Variants in BAZ2B observed in about 807,000 individuals in gnomAD.
The protein encoded by BAZ2B is bromodomain adjacent to zinc finger domain protein 2B.
In BAZ2B, 91 loss-of-function variants were observed where a neutral mutation model predicts 246.0. The observed-to-expected ratio is 0.37, with a 90% CI of 0.31 to 0.44. The LOEUF (loss-of-function observed/expected upper bound fraction) is 0.44, where lower values mean the gene tolerates loss of function less well. Ranked by LOEUF, BAZ2B falls within the 20% of genes least tolerant of loss-of-function variation. BAZ2B has a pLI of 1.00. For synonymous variants in BAZ2B, 855 were observed against 860.0 expected, an observed-to-expected ratio of 0.99 and a Z score of 0.10; for missense variants, 2,332 against 2,533.7, an observed-to-expected ratio of 0.92 and a Z score of 1.71.
intron 27 of BAZ2B, among the ~76,000 whole-genome samples, chr2:159,359,667 G>A (rs2059478932): frequency 6.6e-6 from 1 of 152,086 alleles, no homozygotes; most frequent in Non-Finnish European, 1.5e-5. Context: ...GAAAATTTCA[G>A]GCCAATATCC....
At chr2:159,619,303 C>T (rs1392432486), upstream of BAZ2B, among the ~76,000 whole-genome samples, 2 of 151,628 alleles carry the variant, frequency 1.3e-5, no homozygotes. Context: ...ATCTTATCAT[C>T]ATCAAAAGGT....
At chr2:159,675,666 T>A in the BAZ2B span, among the ~76,000 whole-genome samples, 1 of 152,218 alleles carries the variant, frequency 6.6e-6, no homozygotes, top group South Asian at 2.1e-4. Context: ...CTACCTATTT[T>A]CATATTTCCC....
In BAZ2B at chr2:159,347,603, A is replaced by T. The variant is rs906706456; in HGVS notation, c.5337T>A (p.Thr1779=). The T allele has an allele frequency of 1.4e-5, 22 of 1,612,602 alleles. No homozygotes were observed. The highest frequency in any genetic ancestry group is 1.8e-5 in the Non-Finnish European group (21 of 1,178,960). ...CTGACCAGTTCTCCACAATATCTCGAGTTACTTGGTTTTCTTCATTTTCAT... is the reference window on the plus strand; with the variant it reads ...CTGACCAGTTCTCCACAATATCTCGTGTTACTTGGTTTTCTTCATTTTCAT... ...ELNENEENQV[T]RDIVENWSVE... is the part of the protein sequence containing the mutation. The change falls in exon 31 of 37, where the codon ACT becomes ACA. Residue 1779 remains threonine, a synonymous_variant. Transcript: ENST00000392783.
the BAZ2B span, among the ~76,000 whole-genome samples, chr2:159,691,889 T>C: frequency 2.0e-5 from 3 of 152,170 alleles, no homozygotes; most frequent in South Asian, 2.1e-4. Flanking sequence ...CTCACCACAA[T>C]AGCAATAGGA....
At chr2:159,586,308 G>C (rs1687998185) in intron 1 of BAZ2B, among the ~76,000 whole-genome samples, 1 of 152,054 alleles carries the variant, frequency 6.6e-6, no homozygotes, top group African/African-American at 2.4e-5. Context: ...GTTTTATTTT[G>C]TGACCCAAAC....
At chr2:159,602,163 G>T (rs1288929198) in intron 1 of BAZ2B, among the ~76,000 whole-genome samples, 4 of 151,994 alleles carry the variant, frequency 2.6e-5, no homozygotes, top group Non-Finnish European at 5.9e-5. Context: ...AAACCTAGGA[G>T]CCATAAATGA....
chr2:159,382,551 T>C lies in BAZ2B; in HGVS notation c.4005+8A>G. ...TAGTTGTCTTAAAATCAACCTAAAT[T>C]TCATTACCTCATCTTCACAGATATC... On this transcript the variant is annotated splice_region_variant and intron_variant, in intron 25 of 36. Transcript: ENST00000392783. The C allele has an allele frequency of 6.5e-7, 1 of 1,547,448 alleles. No individual in the cohort carries two copies. The highest frequency in any genetic ancestry group is 1.2e-5 in the South Asian group (1 of 83,800).
the BAZ2B span, among the ~76,000 whole-genome samples, chr2:159,670,470 G>A: frequency 2.6e-5 from 4 of 152,012 alleles, no homozygotes; most frequent in Non-Finnish European, 5.9e-5. Flanking sequence ...CACCTTGCAA[G>A]CATATAGGTC....
At chr2:159,368,485 A>T (rs1205961769) in intron 27 of BAZ2B, among the ~76,000 whole-genome samples, 1 of 152,204 alleles carries the variant, frequency 6.6e-6, no homozygotes, top group African/African-American at 2.4e-5. Flanking sequence ...TATACCTATT[A>T]TTTATAAGTT....
intron 1 of BAZ2B, among the ~76,000 whole-genome samples, chr2:159,587,977 G>A (rs141325034): frequency 1.3e-5 from 2 of 152,192 alleles, no homozygotes; most frequent in East Asian, 3.9e-4. Context: ...TACCGCTTGA[G>A]CCCTGGAGTG....
At chr2:159,472,266 G>C (rs1475270937) in intron 3 of BAZ2B, among the ~76,000 whole-genome samples, 1 of 152,146 alleles carries the variant, frequency 6.6e-6, no homozygotes, top group African/African-American at 2.4e-5. Context: ...GTCTATTATT[G>C]CTGTATAAAA....
intron 1 of BAZ2B, among the ~76,000 whole-genome samples, chr2:159,564,782 G>C (rs930989451): frequency 6.6e-6 from 1 of 152,170 alleles, no homozygotes; most frequent in Admixed American, 6.6e-5. Context: ...CAAGTAAAGA[G>C]TTTCAGGAAA....
intron 27 of BAZ2B, among the ~76,000 whole-genome samples, 172 bp downstream of exon 27, chr2:159,372,873 A>G (rs977935815): frequency 6.6e-6 from 1 of 152,254 alleles, no homozygotes; most frequent in Non-Finnish European, 1.5e-5. Context: ...AAGGGCTAGG[A>G]GGAAGTGTGT....
chr2:159,674,383 A>G, the BAZ2B span, among the ~76,000 whole-genome samples: 6 of 133,886 alleles, frequency 4.5e-5, no homozygotes, highest in Admixed American at 1.7e-4. Flanking sequence ...AGGGAAGGGA[A>G]GAAAAGAAAA....
intron 3 of BAZ2B, chr2:159,462,678 T>C: frequency 2.4e-6 from 3 of 1,233,810 alleles, no homozygotes; most frequent in Non-Finnish European, 3.6e-6. Flanking sequence ...ACCTGAATCT[T>C]AAGCACTCCA....
intron 3 of BAZ2B, among the ~76,000 whole-genome samples, chr2:159,467,380 A>C (rs16844051): frequency 0.028 from 4,239 of 152,226 alleles, 180 homozygotes; most frequent in African/African-American, 0.091. Flanking sequence ...GACCTAATTT[A>C]TCTCTCCTCT....
chr2:159,398,388 A>G (rs2149708556), intron 18 of BAZ2B: 1 of 152,682 alleles, frequency 6.5e-6, no homozygotes, highest in African/African-American at 2.4e-5. Context: ...TTAATAGATA[A>G]AACAGTTGCT....
the BAZ2B span, among the ~76,000 whole-genome samples, chr2:159,636,524 C>T: frequency 1.3e-5 from 2 of 152,312 alleles, no homozygotes; most frequent in African/African-American, 2.4e-5. Context: ...AATCACTCAT[C>T]GCGGTGGTCA....
At chr2:159,559,016 G>A (rs2089540072) in intron 1 of BAZ2B, among the ~76,000 whole-genome samples, 1 of 152,160 alleles carries the variant, frequency 6.6e-6, no homozygotes, top group Admixed American at 6.5e-5. Context: ...GAGGCAAGCA[G>A]ATTGCTTGAG....
Sources: allele counts gnomAD v4.1 joint callset (sites outside exome capture counted in the v4.1 genomes callset), GRCh38; gene constraint gnomAD v4.1.1; transcripts MANE v1.5; gene names NCBI Gene and HGNC (gene_info 2026-07-23, HGNC 2026-07-21).